The following C1QTNF3 variants were observed in gnomAD, a reference collection of about 807,000 sequenced individuals.
C1QTNF3 encodes the protein C1q and TNF related 3, also known as complement C1q tumor necrosis factor-related protein 3.
A neutral mutation model predicts 32.6 loss-of-function variants in C1QTNF3; 26 were observed. That is an observed-to-expected ratio of 0.80 (90% CI 0.58 to 1.11). The LOEUF (loss-of-function observed/expected upper bound fraction) is 1.11. Ranked by LOEUF, C1QTNF3 falls within the 50% of genes least tolerant of loss-of-function variation. The pLI is 0.00. For missense variants in C1QTNF3, 362 were observed against 398.2 expected, an observed-to-expected ratio of 0.91 and a Z score of 0.77; for synonymous variants, 155 against 146.0, an observed-to-expected ratio of 1.06 and a Z score of -0.44.
chr5:34,052,561 T>TTCTAGCTG, the C1QTNF3 span, among the ~76,000 whole-genome samples: 1 of 152,248 alleles, frequency 6.6e-6, no homozygotes, highest in Non-Finnish European at 1.5e-5. Context: ...CTCCTTGACT[T>TTCTAGCTG]TCTAGCTGTT....
At chr5:34,217,586 G>A in the C1QTNF3 span, among the ~76,000 whole-genome samples, 1 of 152,070 alleles carries the variant, frequency 6.6e-6, no homozygotes, top group South Asian at 2.1e-4. Flanking sequence ...CACTTAAGGA[G>A]CCATCCCAGA....
chr5:34,169,932 T>C, the C1QTNF3 span, among the ~76,000 whole-genome samples: 1 of 152,190 alleles, frequency 6.6e-6, no homozygotes, highest in African/African-American at 2.4e-5. Context: ...TATTTCTAGA[T>C]ACATATCCAA....
the C1QTNF3 span, among the ~76,000 whole-genome samples, chr5:34,223,824 G>GA: frequency 6.6e-6 from 1 of 152,014 alleles, no homozygotes; most frequent in African/African-American, 2.4e-5. Flanking sequence ...GAGAAGGAAA[G>GA]AAAGGGTATT....
At chr5:34,213,747 GTA>G in the C1QTNF3 span, among the ~76,000 whole-genome samples, 19 of 100,846 alleles carry the variant, frequency 1.9e-4, no homozygotes, top group East Asian at 2.2e-3. Flanking sequence ...TATAGTGTGT[GTA>G]TATATATATA....
the C1QTNF3 span, chr5:34,175,798 C>T: frequency 1.8e-5 from 13 of 740,026 alleles, no homozygotes; most frequent in Non-Finnish European, 2.5e-5. Flanking sequence ...GGTACATTAT[C>T]CCATGCGCTA....
chr5:34,116,928 T>C, the C1QTNF3 span, among the ~76,000 whole-genome samples: 2 of 152,280 alleles, frequency 1.3e-5, no homozygotes, highest in South Asian at 4.1e-4. Flanking sequence ...TCACTCCAGG[T>C]CTCACGATTG....
chr5:34,210,702 ATAC>A, the C1QTNF3 span, among the ~76,000 whole-genome samples: 1 of 152,082 alleles, frequency 6.6e-6, no homozygotes, highest in Non-Finnish European at 1.5e-5. Flanking sequence ...CATAAATATG[ATAC>A]AACAGATATT....
the C1QTNF3 span, among the ~76,000 whole-genome samples, chr5:34,155,986 G>A: frequency 3.3e-5 from 5 of 152,158 alleles, no homozygotes; most frequent in South Asian, 8.3e-4. Flanking sequence ...TTGAATTCAC[G>A]CACAAAGTCA....
At chr5:34,069,897 G>T in the C1QTNF3 span, among the ~76,000 whole-genome samples, 4 of 152,188 alleles carry the variant, frequency 2.6e-5, no homozygotes, top group Non-Finnish European at 5.9e-5. Context: ...CAGAGGTATT[G>T]TATGTCAGAA....
the C1QTNF3 span, among the ~76,000 whole-genome samples, chr5:34,159,642 CTATTT>C: frequency 1.3e-5 from 2 of 151,818 alleles, no homozygotes; most frequent in Admixed American, 6.6e-5. Flanking sequence ...TGTCTTTATT[CTATTT>C]TATTAGATAG....
the C1QTNF3 span, among the ~76,000 whole-genome samples, chr5:34,121,816 C>T: frequency 7.4e-4 from 113 of 152,216 alleles, 1 homozygote; most frequent in Middle Eastern, 3.4e-3. Flanking sequence ...ATTAGGTCAT[C>T]GGAGTAAAGC....
the C1QTNF3 span, among the ~76,000 whole-genome samples, chr5:34,125,393 C>A: frequency 3.3e-5 from 5 of 152,000 alleles, no homozygotes; most frequent in African/African-American, 9.7e-5. Context: ...ACAAAGTATA[C>A]ATTTTATAAA....
chr5:34,042,778 CT>C (rs1754903300), intron 1 of C1QTNF3, 44 bp downstream of exon 1: 2 of 1,437,764 alleles, frequency 1.4e-6, no homozygotes, highest in Non-Finnish European at 1.9e-6. Context: ...AACAACAACA[CT>C]CATTAAGCTT....
the C1QTNF3 span, among the ~76,000 whole-genome samples, chr5:34,053,016 C>T: frequency 0.7 from 106,945 of 152,044 alleles, 37,789 homozygotes; most frequent in East Asian, 0.86. Context: ...ATTTTCTTAG[C>T]TTCTTCGATT....
the C1QTNF3 span, among the ~76,000 whole-genome samples, chr5:34,169,842 T>A: frequency 6.6e-6 from 1 of 152,262 alleles, no homozygotes; most frequent in African/African-American, 2.4e-5. Flanking sequence ...GAATGTACAA[T>A]GATACAGCAA....
chr5:34,099,925 TATG>T, the C1QTNF3 span, among the ~76,000 whole-genome samples: 4 of 150,812 alleles, frequency 2.7e-5, no homozygotes, highest in African/African-American at 9.8e-5. Flanking sequence ...CCTTTTTCGA[TATG>T]ATAACTAAAA....
chr5:34,209,016 C>T, the C1QTNF3 span, among the ~76,000 whole-genome samples: 12 of 152,144 alleles, frequency 7.9e-5, no homozygotes, highest in Admixed American at 2.0e-4. Flanking sequence ...TATTCACATC[C>T]GGTAAGTTTA....
At chr5:34,052,623 A>G in the C1QTNF3 span, among the ~76,000 whole-genome samples, 3 of 152,204 alleles carry the variant, frequency 2.0e-5, no homozygotes, top group Non-Finnish European at 2.9e-5. Flanking sequence ...GAGGCTCATG[A>G]TATCTATCTT....
chr5:34,052,501 A>T, the C1QTNF3 span, among the ~76,000 whole-genome samples: 1 of 152,220 alleles, frequency 6.6e-6, no homozygotes, highest in African/African-American at 2.4e-5. Flanking sequence ...GGATGAACAG[A>T]TGGATGCATA....
Sources: allele counts gnomAD v4.1 joint callset (sites outside exome capture counted in the v4.1 genomes callset), GRCh38; gene constraint gnomAD v4.1.1; transcripts MANE v1.5; gene names NCBI Gene and HGNC (gene_info 2026-07-23, HGNC 2026-07-21).